Variants in SMOC2 observed in about 807,000 individuals in gnomAD.
SMOC2 encodes SPARC related modular calcium binding 2.
A neutral mutation model predicts 61.4 loss-of-function variants in SMOC2; 39 were observed. That is an observed-to-expected ratio of 0.64 (90% CI 0.49 to 0.83). SMOC2 has a LOEUF of 0.83. SMOC2 is among the 40% of genes least tolerant of loss of function. The pLI, the probability that SMOC2 is intolerant of heterozygous loss-of-function variation, is 0.00. For synonymous variants in SMOC2, 247 were observed against 239.9 expected (o/e 1.03, Z -0.27); for missense variants, 556 against 592.9 (o/e 0.94, Z 0.65).
At chr6:168,599,846 TCA>T (rs201249779) in intron 8 of SMOC2, among the ~76,000 whole-genome samples, 9 of 106,298 alleles carry the variant, frequency 8.5e-5, no homozygotes, top group African/African-American at 1.1e-4. Context: ...ACACCCACAG[TCA>T]CACACAGTCT....
At chr6:168,608,115 G>T in intron 8 of SMOC2, 42 bp from the exon 9 acceptor site, 1 of 1,576,492 alleles carries the variant, frequency 6.3e-7, no homozygotes, top group Non-Finnish European at 8.7e-7. Flanking sequence ...TCTCAAGCCC[G>T]TTGTTTTCTC....
At position 168,455,348 on chromosome 6, in the gene SMOC2, C is replaced by G. The variant is rs993008479; in HGVS notation, c.84+13894C>G. Among the ~76,000 whole-genome samples, 137 of 152,256 alleles carry G rather than the reference C, an allele frequency of 9.0e-4. 1 individual carries two copies. Among genetic ancestry groups the G allele is most frequent in the African/African-American group, 2.4e-3 (98 of 41,558 alleles). ...TTCCTGTGTTGTGTCTTGTCCCAGT[C>G]GTGGTTTTCTCTAAGCAGAATCAGA... On this transcript the variant is annotated intron_variant, in intron 1 of 12. Coordinates refer to ENST00000356284, the MANE Select transcript of SMOC2 (RefSeq NM_001166412.2).
intron 7 of SMOC2, among the ~76,000 whole-genome samples, chr6:168,552,957 A>T (rs1278579521): frequency 2.6e-5 from 4 of 152,110 alleles, no homozygotes; most frequent in Non-Finnish European, 5.9e-5. Flanking sequence ...TAGTAGCTAC[A>T]CAATAAATAT....
intron 1 of SMOC2, among the ~76,000 whole-genome samples, chr6:168,484,186 A>G (rs1488327704): frequency 6.6e-6 from 1 of 152,224 alleles, no homozygotes; most frequent in Non-Finnish European, 1.5e-5. Context: ...TTTGTAAATC[A>G]TATATCTGAC....
At chr6:168,583,319 G>A (rs112866146) in intron 7 of SMOC2, among the ~76,000 whole-genome samples, 1,762 of 150,596 alleles carry the variant, frequency 0.012, 28 homozygotes, top group African/African-American at 0.04. Context: ...ACTCCTTCCC[G>A]GCTCCAATGG....
intron 11 of SMOC2, among the ~76,000 whole-genome samples, chr6:168,657,855 C>T (rs562529640): frequency 3.9e-5 from 6 of 152,150 alleles, no homozygotes; most frequent in Non-Finnish European, 7.4e-5. Flanking sequence ...TTCACCTATT[C>T]GTGAGGGCAG....
chr6:168,490,505 C>G (rs143239560), intron 1 of SMOC2, among the ~76,000 whole-genome samples: 15 of 152,322 alleles, frequency 9.8e-5, no homozygotes, highest in African/African-American at 3.6e-4. Context: ...GCCCACCCAT[C>G]TTCAAGTTCA....
chr6:168,601,415 C>G (rs1402628401), intron 8 of SMOC2, among the ~76,000 whole-genome samples: 2 of 152,214 alleles, frequency 1.3e-5, no homozygotes, highest in Admixed American at 1.3e-4. Flanking sequence ...TTCTGCGGGG[C>G]TGATATGGGG....
At chr6:168,497,431 T>C (rs557815211) in intron 1 of SMOC2, among the ~76,000 whole-genome samples, 26 of 152,178 alleles carry the variant, frequency 1.7e-4, no homozygotes, top group Non-Finnish European at 1.2e-4. Context: ...CGCCCTTCCT[T>C]TCATAGGTAT....
At chr6:168,487,834 G>A (rs1004046010) in intron 1 of SMOC2, among the ~76,000 whole-genome samples, 1 of 152,062 alleles carries the variant, frequency 6.6e-6, no homozygotes, top group Non-Finnish European at 1.5e-5. Context: ...AAACATACAT[G>A]GCACACAATC....
rs962838905 is a variant in SMOC2, at chr6:168,535,133, G to C, written c.463+7406G>C. Among the ~76,000 whole-genome samples the C allele has an allele frequency of 1.3e-5, 2 of 151,890 alleles. No homozygotes were observed. The highest frequency in any genetic ancestry group is 2.9e-5 in the Non-Finnish European group (2 of 68,008). On this transcript the variant is annotated intron_variant, in intron 4 of 12. Transcript: ENST00000356284. This position sits in a 1 kb window ranked among gnomAD's most constrained non-coding sequence, Gnocchi z 4.6. ...CTACAGGCACCCGCCACCACGCCCAGCTAATGTTTTGTATTTTTAGTAGAA... is the reference window on the plus strand; with the variant it reads ...CTACAGGCACCCGCCACCACGCCCACCTAATGTTTTGTATTTTTAGTAGAA...
intron 8 of SMOC2, among the ~76,000 whole-genome samples, chr6:168,599,770 ACC>A (rs1175043197): frequency 3.9e-5 from 1 of 25,698 alleles, no homozygotes; most frequent in Non-Finnish European, 7.2e-5. Context: ...TCCCCCAAAC[ACC>A]CCCCCACACA....
At chr6:168,548,092 T>G (rs1784047937) in intron 6 of SMOC2, among the ~76,000 whole-genome samples, 1 of 152,184 alleles carries the variant, frequency 6.6e-6, no homozygotes. Context: ...ACAGTATAAA[T>G]TAACAAAACC....
intron 9 of SMOC2, among the ~76,000 whole-genome samples, chr6:168,627,443 C>G (rs1275594123): frequency 2.0e-5 from 3 of 152,144 alleles, no homozygotes; most frequent in African/African-American, 4.8e-5. Context: ...AGATTTCCCT[C>G]TTTTTCTTGT....
intron 1 of SMOC2, among the ~76,000 whole-genome samples, chr6:168,455,467 C>CAA (rs1781562284): frequency 6.6e-6 from 1 of 152,154 alleles, no homozygotes; most frequent in East Asian, 1.9e-4. Context: ...GGGCGGCCCT[C>CAA]AAGTCCCGGC....
At chr6:168,484,359 AT>A (rs1235980893) in intron 1 of SMOC2, among the ~76,000 whole-genome samples, 1 of 152,206 alleles carries the variant, frequency 6.6e-6, no homozygotes, top group Non-Finnish European at 1.5e-5. Context: ...CATGCTTAGC[AT>A]CATGGAAATG....
intron 4 of SMOC2, among the ~76,000 whole-genome samples, chr6:168,534,963 T>TTTAA (rs1783698330): frequency 6.6e-6 from 1 of 151,992 alleles, no homozygotes; most frequent in African/African-American, 2.4e-5. Context: ...GAGATTTTAT[T>TTTAA]TTTATTTATT....
chr6:168,646,646 A>G (rs1399047748), intron 9 of SMOC2, among the ~76,000 whole-genome samples: 1 of 152,222 alleles, frequency 6.6e-6, no homozygotes, highest in Non-Finnish European at 1.5e-5. Flanking sequence ...TTAAAGCATC[A>G]GAATATTAAC....
rs1489572218 is a variant in SMOC2, at chr6:168,475,564, GA to G, written c.84+34111del. Among the ~76,000 whole-genome samples the G allele has an allele frequency of 1.3e-5, 2 of 152,084 alleles. No homozygotes were observed. The highest frequency in any genetic ancestry group is 2.9e-5 in the Non-Finnish European group (2 of 67,986). ...GGCCATGGCCAGCGTTGCCTTGGGGGACAGGGCATGAAGGCACATGGGTCTG... is the reference window on the plus strand; with the variant it reads ...GGCCATGGCCAGCGTTGCCTTGGGGGCAGGGCATGAAGGCACATGGGTCTG... On this transcript the variant is annotated intron_variant, in intron 1 of 12. Transcript: ENST00000356284. The surrounding 1 kb of genome is among the most constrained non-coding windows in gnomAD (Gnocchi z 4.6).
Sources: gnomAD v4.1 joint callset for allele counts (sites outside exome capture counted in the v4.1 genomes callset) on GRCh38, gnomAD v4.1.1 for gene constraint, Gnocchi (gnomAD v3.1) non-coding constraint, MANE v1.5 for transcripts, NCBI Gene and HGNC (gene_info 2026-07-23, HGNC 2026-07-21) for gene names.